The following MCTP2 variants were observed in gnomAD, a reference collection of about 807,000 sequenced individuals.
The protein encoded by MCTP2 is multiple C2 and transmembrane domain-containing protein 2.
A neutral mutation model predicts 111.6 loss-of-function variants in MCTP2; 132 were observed. That is an observed-to-expected ratio of 1.18 (90% CI 1.03 to 1.37). The LOEUF (loss-of-function observed/expected upper bound fraction) is 1.37, where lower values mean the gene tolerates loss of function less well. MCTP2 is among the 40% of genes most tolerant of loss of function. The pLI, the probability that MCTP2 is intolerant of heterozygous loss-of-function variation, is 0.00. For synonymous variants in MCTP2, 395 were observed against 387.7 expected, an observed-to-expected ratio of 1.02 and a Z score of -0.22; for missense variants, 1,183 against 1,067.9, an observed-to-expected ratio of 1.11 and a Z score of -1.50.
intron 4 of MCTP2, among the ~76,000 whole-genome samples, 188 bp downstream of exon 4, chr15:94,315,825 T>C (rs2076354865): frequency 6.6e-6 from 1 of 152,306 alleles, no homozygotes; most frequent in Admixed American, 6.5e-5. Flanking sequence ...TTACTATCCT[T>C]CTTTATTATT....
At chr15:94,266,402 A>G (rs998961456) in intron 1 of MCTP2, among the ~76,000 whole-genome samples, 7 of 152,210 alleles carry the variant, frequency 4.6e-5, no homozygotes, top group African/African-American at 1.7e-4. Context: ...TCAGGAACTC[A>G]GTCTGTTTTG....
Position 94,339,270 on chromosome 15 carries a change from G to T in MCTP2, c.638-20G>T. ...TACATGTATTTTAAAATTCTGTCTT[G>T]TTTTCTTTTCCTTTTAAAGGCACAA... On this transcript the variant is annotated intron_variant, in intron 4 of 22. Coordinates refer to ENST00000357742, the MANE Select transcript of MCTP2 (RefSeq NM_001385001.1). 6.4e-7 allele frequency: 1 copy of T among 1,562,126 alleles called. No individual in the cohort carries two copies. The highest frequency in any genetic ancestry group is 2.0e-5 in the Admixed American group (1 of 50,462).
intron 20 of MCTP2, among the ~76,000 whole-genome samples, chr15:94,462,976 C>T (rs1426991971): frequency 6.6e-6 from 1 of 152,196 alleles, no homozygotes; most frequent in Admixed American, 6.6e-5. Flanking sequence ...TGTCCCCTGC[C>T]TTCCTTCTAA....
At chr15:94,302,582 C>T (rs777259492) in intron 2 of MCTP2, among the ~76,000 whole-genome samples, 9 of 151,750 alleles carry the variant, frequency 5.9e-5, no homozygotes, top group East Asian at 1.9e-4. Context: ...CAGACTCTCT[C>T]TTGAGCTCCA....
chr15:94,390,132 A>T (rs61171596), intron 14 of MCTP2, among the ~76,000 whole-genome samples: 1 of 90,472 alleles, frequency 1.1e-5, no homozygotes. Flanking sequence ...ATATATATAT[A>T]CTTAGATGTT....
rs144164050 is a variant in MCTP2, at chr15:94,302,868, C to T, written c.465+4138C>T. 5.4e-3 allele frequency among the ~76,000 whole-genome samples: 818 copies of T among 151,876 alleles called. 7 individuals are homozygous for T. Among genetic ancestry groups the T allele is most frequent in the African/African-American group, 0.018 (758 of 41,382 alleles). On this transcript the variant is annotated intron_variant, in intron 2 of 22. Transcript: ENST00000357742. ...CATGCTACTGATAGACATAACGAGA[C>T]GGGGCAAATTACAAAAGAAAGACGT...
At chr15:94,287,240 CTT>C (rs35719673) in intron 1 of MCTP2, among the ~76,000 whole-genome samples, 1 of 149,560 alleles carries the variant, frequency 6.7e-6, no homozygotes, top group Non-Finnish European at 1.5e-5. Flanking sequence ...TTTAAGAGCA[CTT>C]TTTTTTTTTC....
intron 17 of MCTP2, among the ~76,000 whole-genome samples, chr15:94,426,779 G>T (rs1222979389): frequency 6.6e-6 from 1 of 152,080 alleles, no homozygotes; most frequent in Non-Finnish European, 1.5e-5. Flanking sequence ...CTACCAGAGA[G>T]GATATAGAGT....
chr15:94,372,578 G>C (rs2079545834), intron 12 of MCTP2, among the ~76,000 whole-genome samples: 1 of 152,180 alleles, frequency 6.6e-6, no homozygotes, highest in Non-Finnish European at 1.5e-5. Flanking sequence ...CCAATTCAAA[G>C]TATGTAGTAA....
chr15:94,333,781 A>G (rs912166460), intron 4 of MCTP2, among the ~76,000 whole-genome samples: 4 of 152,228 alleles, frequency 2.6e-5, no homozygotes, highest in South Asian at 2.1e-4. Context: ...CTCAATGAAT[A>G]CAACAGTAGG....
chr15:94,371,038 G>C (rs1359064689), intron 12 of MCTP2, among the ~76,000 whole-genome samples: 2 of 151,902 alleles, frequency 1.3e-5, no homozygotes, highest in Admixed American at 1.3e-4. Flanking sequence ...TTCTGAGACT[G>C]AGTTTGAGGA....
chr15:94,314,404 TG>T (rs2152363099), intron 3 of MCTP2, 60 bp downstream of exon 3: 1 of 1,287,204 alleles, frequency 7.8e-7, no homozygotes, highest in East Asian at 2.4e-5. Flanking sequence ...ATCAAATGTT[TG>T]GGTTTGTATT....
chr15:94,254,849 C>T (rs549049775), intron 1 of MCTP2, among the ~76,000 whole-genome samples: 8 of 152,118 alleles, frequency 5.3e-5, no homozygotes, highest in African/African-American at 1.7e-4. Context: ...CTAATGACTT[C>T]GCAAAAGAGA....
intron 17 of MCTP2, among the ~76,000 whole-genome samples, chr15:94,430,393 TCACACACACACA>T (rs35129445): frequency 1.1e-3 from 118 of 107,196 alleles, no homozygotes; most frequent in South Asian, 2.7e-3. Context: ...CCAAAAACAA[TCACACACACACA>T]CACACACACA....
At chr15:94,458,288 C>T (rs779863275) in intron 20 of MCTP2, 42 bp downstream of exon 20, 9 of 1,205,206 alleles carry the variant, frequency 7.5e-6, no homozygotes, top group Non-Finnish European at 1.1e-5. Context: ...AGTAGACCTG[C>T]TATCCACAAG....
rs780835070 is a variant in MCTP2 at position 94,480,868 on chromosome 15, G to A, written c.*1834G>A. On this transcript the variant is annotated 3_prime_UTR_variant, in exon 23 of 23. Coordinates refer to ENST00000357742, the MANE Select transcript of MCTP2 (RefSeq NM_001385001.1). Reference sequence around the variant, plus strand: ...CAAGAAGGCATCATTAGTTAGACTTGTTTCCTCTGTAGCCCGATTGAAATT... The same window carrying A: ...CAAGAAGGCATCATTAGTTAGACTTATTTCCTCTGTAGCCCGATTGAAATT... The A allele has an allele frequency of 5.9e-5, 9 of 152,178 alleles. No homozygotes were observed. Among genetic ancestry groups the A allele is most frequent in the Non-Finnish European group, 1.3e-4 (9 of 68,026 alleles). 9.4% of individuals were successfully genotyped at this position (152,178 alleles called of 1,614,324 possible). A position where few individuals can be genotyped will look rare whatever the true frequency, so the allele number is the denominator to read the frequency against.
rs145521215 is a variant in MCTP2, at chr15:94,441,810, A to T, written c.2209-1109A>T. Among the ~76,000 whole-genome samples the T allele has an allele frequency of 5.9e-5, 9 of 152,262 alleles. No homozygotes were observed. In the East Asian group the frequency reaches 1.7e-3, roughly 29 times the overall value. On this transcript the variant is annotated intron_variant, in intron 18 of 22. Coordinates refer to ENST00000357742, the MANE Select transcript of MCTP2 (RefSeq NM_001385001.1). The stretch of plus-strand genomic sequence containing the variant: ...CAATTATAGCGTTTTTTCCTCCCAT[A>T]GCCTGTTTTCATTACCTTCCTGTTT...
intron 17 of MCTP2, among the ~76,000 whole-genome samples, chr15:94,434,037 G>T (rs933914675): frequency 6.6e-6 from 1 of 151,826 alleles, no homozygotes; most frequent in Non-Finnish European, 1.5e-5. Flanking sequence ...TTTGCGACTT[G>T]CCCTTTCATT....
At chr15:94,380,902 A>C (rs1046997486) in intron 12 of MCTP2, among the ~76,000 whole-genome samples, 18 of 152,266 alleles carry the variant, frequency 1.2e-4, no homozygotes, top group Admixed American at 1.2e-3. Context: ...GCCATTCAAG[A>C]AATACAAATA....
Sources: allele counts gnomAD v4.1 joint callset (sites outside exome capture counted in the v4.1 genomes callset), GRCh38; gene constraint gnomAD v4.1.1; transcripts MANE v1.5; gene names NCBI Gene and HGNC (gene_info 2026-07-23, HGNC 2026-07-21).